The following ADAMTSL1 variants were observed in gnomAD, a reference collection of about 807,000 sequenced individuals.
ADAMTSL1 encodes the protein ADAMTS like 1, also known as ADAMTS-like protein 1.
ADAMTSL1 carries 126 observed loss-of-function variants against 201.8 expected under a neutral mutation model. The ratio of observed to expected loss-of-function variants is 0.62; its 90% CI spans 0.54 to 0.72. The LOEUF is 0.72. ADAMTSL1 is among the 30% of genes least tolerant of loss of function. The probability of loss-of-function intolerance (pLI) is 0.00; values close to 1 mark genes in which losing one functional copy is unlikely to be tolerated. For missense variants in ADAMTSL1, 2,679 were observed against 2,277.8 expected, an observed-to-expected ratio of 1.18 and a Z score of -3.59; for synonymous variants, 1,121 against 903.4, an observed-to-expected ratio of 1.24 and a Z score of -4.32.
At chr9:18,392,837 A>T (rs976573482) in intron 2 of ADAMTSL1, among the ~76,000 whole-genome samples, 2 of 152,154 alleles carry the variant, frequency 1.3e-5, no homozygotes, top group Non-Finnish European at 2.9e-5. Flanking sequence ...TTCTTCACCT[A>T]CCTCTACTTT....
Position 18,224,890 on chromosome 9 carries a change from G to A in ADAMTSL1, c.207+60909G>A, listed in dbSNP as rs1275449254. 6.6e-5 allele frequency among the ~76,000 whole-genome samples: 10 copies of A among 152,006 alleles called. 1 individual carries two copies. The highest frequency in any genetic ancestry group is 1.0e-4 in the Non-Finnish European group (7 of 67,994). On this transcript the variant is annotated intron_variant, in intron 2 of 29. Transcript: ENST00000680146. ...CAACCTTCTGTCCTTTTGGTGTTCCGTAATTTATTTTCCACTCTTTGTTTT... is the reference window on the plus strand; with the variant it reads ...CAACCTTCTGTCCTTTTGGTGTTCCATAATTTATTTTCCACTCTTTGTTTT...
chr9:18,429,838 G>C (rs1237479958), intron 2 of ADAMTSL1, among the ~76,000 whole-genome samples: 2 of 151,972 alleles, frequency 1.3e-5, no homozygotes, highest in African/African-American at 4.8e-5. Flanking sequence ...CTCTCAGGCT[G>C]GAGTGCAGTG....
At chr9:18,390,910 T>C (rs1838019268) in intron 2 of ADAMTSL1, among the ~76,000 whole-genome samples, 1 of 152,028 alleles carries the variant, frequency 6.6e-6, no homozygotes, top group African/African-American at 2.4e-5. Flanking sequence ...AAGATAAACA[T>C]GGTTGGATAA....
intron 2 of ADAMTSL1, among the ~76,000 whole-genome samples, chr9:18,263,553 C>A (rs1196207815): frequency 6.6e-6 from 1 of 152,178 alleles, no homozygotes; most frequent in Non-Finnish European, 1.5e-5. Flanking sequence ...TCCCCACATT[C>A]CAGCCTGACC....
At chr9:18,413,783 C>T (rs1438998985) in intron 2 of ADAMTSL1, among the ~76,000 whole-genome samples, 5 of 152,122 alleles carry the variant, frequency 3.3e-5, no homozygotes, top group Admixed American at 2.0e-4. Context: ...CACAGCTTCC[C>T]GTCCCATTTT....
intron 1 of ADAMTSL1, among the ~76,000 whole-genome samples, chr9:17,977,858 G>C (rs1207624203): frequency 6.6e-6 from 1 of 152,028 alleles, no homozygotes; most frequent in African/African-American, 2.4e-5. Context: ...CTAAAGCATA[G>C]TTCAAATCCA....
chr9:18,344,485 C>T (rs918076073), intron 2 of ADAMTSL1, among the ~76,000 whole-genome samples: 2 of 151,926 alleles, frequency 1.3e-5, no homozygotes, highest in Admixed American at 1.3e-4. Flanking sequence ...ATATTCTGCA[C>T]CATATCTATA....
At chr9:18,906,566 G>A in intron 27 of ADAMTSL1, 126 bp from the exon 28 acceptor site, 1 of 745,462 alleles carries the variant, frequency 1.3e-6, no homozygotes, top group Admixed American at 3.0e-5. Flanking sequence ...CAGAATCCAG[G>A]TCTAGTAACG....
rs1479284426 is a variant in ADAMTSL1, at chr9:18,689,530, GAAAAAGA to G, written c.1574+4743_1574+4749del. ...GGGACTCATATTTTTTAAAAAAAAG[GAAAAAGA>G]AAAAAGAAAAAAAGGTATAGTCTGG... On this transcript the variant is annotated intron_variant, in intron 13 of 28. Coordinates refer to ENST00000380548, the MANE Select transcript of ADAMTSL1 (RefSeq NM_001040272.6). Among the ~76,000 whole-genome samples the G allele has an allele frequency of 3.6e-4, 55 of 152,090 alleles. 1 individual carries two copies. Among genetic ancestry groups the G allele is most frequent in the Admixed American group, 1.2e-3 (19 of 15,272 alleles).
chr9:18,749,858 A>T (rs1308302325), intron 15 of ADAMTSL1, among the ~76,000 whole-genome samples: 1 of 152,184 alleles, frequency 6.6e-6, no homozygotes, highest in African/African-American at 2.4e-5. Flanking sequence ...GCAGGCAGAT[A>T]TGTCTGTTTT....
At chr9:18,235,014 T>C (rs947805145) in intron 2 of ADAMTSL1, among the ~76,000 whole-genome samples, 9 of 152,242 alleles carry the variant, frequency 5.9e-5, no homozygotes, top group Non-Finnish European at 8.8e-5. Context: ...GGTACATTTG[T>C]CACAACTAAG....
Position 18,117,650 on chromosome 9 carries a change from A to G in ADAMTSL1, c.88-46212A>G, listed in dbSNP as rs138829146. The stretch of plus-strand genomic sequence containing the variant: ...ACCTAACAAATGCTGGAACTTAATT[A>G]TTTATTACATTTATCATTTAGTATC... On this transcript the variant is annotated intron_variant, in intron 1 of 29. Coordinates refer to the ADAMTSL1 transcript ENST00000680146. Among the ~76,000 whole-genome samples the G allele has an allele frequency of 3.3e-5, 5 of 152,236 alleles. No homozygotes were observed. The East Asian group carries it at 9.7e-4, about 29-fold the overall frequency.
intron 23 of ADAMTSL1, among the ~76,000 whole-genome samples, chr9:18,886,217 CACATACATAT>C (rs1302142730): frequency 1.6e-5 from 2 of 125,216 alleles, no homozygotes; most frequent in Admixed American, 1.7e-4. Context: ...TATATACACA[CACATACATAT>C]ACATACATAC....
intron 1 of ADAMTSL1, among the ~76,000 whole-genome samples, chr9:17,972,412 T>C (rs1818245858): frequency 6.7e-6 from 1 of 149,586 alleles, no homozygotes; most frequent in Admixed American, 6.8e-5. Context: ...GAACATACGG[T>C]GTTTCGTTTT....
At chr9:18,321,198 A>G (rs1170353375) in intron 2 of ADAMTSL1, among the ~76,000 whole-genome samples, 1 of 152,226 alleles carries the variant, frequency 6.6e-6, no homozygotes, top group Non-Finnish European at 1.5e-5. Context: ...TCAGGACAAT[A>G]TGTATCACCC....
At chr9:18,267,684 AT>A (rs1832173494) in intron 2 of ADAMTSL1, among the ~76,000 whole-genome samples, 1 of 148,958 alleles carries the variant, frequency 6.7e-6, no homozygotes, top group South Asian at 2.1e-4. Context: ...TTTAATAAGT[AT>A]TTTTTAATAA....
rs149495806 is a variant in ADAMTSL1 at position 18,616,419 on chromosome 9, G to C, written c.475-5824G>C. On this transcript the variant is annotated intron_variant, in intron 4 of 28. Transcript: ENST00000380548. ...GAAACTGCTTGTATGTATTTGCTCA[G>C]ATGTTATTGGGACATTGTTATATGA... is the stretch of plus-strand genomic sequence containing the variant. Among the ~76,000 whole-genome samples, 54 of 152,348 alleles carry C rather than the reference G, an allele frequency of 3.5e-4. 1 individual carries two copies. The highest frequency in any genetic ancestry group is 1.3e-3 in the African/African-American group (52 of 41,588).
intron 10 of ADAMTSL1, among the ~76,000 whole-genome samples, chr9:18,676,672 G>A (rs1036028379): frequency 5.9e-5 from 9 of 152,028 alleles, no homozygotes; most frequent in Admixed American, 2.0e-4. Flanking sequence ...TGGGATTGAA[G>A]TAGACCTATG....
intron 1 of ADAMTSL1, among the ~76,000 whole-genome samples, chr9:18,485,407 G>A (rs1277348754): frequency 6.6e-6 from 1 of 152,180 alleles, no homozygotes; most frequent in Non-Finnish European, 1.5e-5. Context: ...CCTGCTGTCT[G>A]CCAGTCACTT....
Sources: gnomAD v4.1 joint callset for allele counts (sites outside exome capture counted in the v4.1 genomes callset) on GRCh38, gnomAD v4.1.1 for gene constraint, MANE v1.5 for transcripts, NCBI Gene and HGNC (gene_info 2026-07-23, HGNC 2026-07-21) for gene names.